The following JAZF1 variants were observed in gnomAD, a reference collection of about 807,000 sequenced individuals.
JAZF1 encodes juxtaposed with another zinc finger protein 1.
JAZF1 carries 8 observed loss-of-function variants against 26.4 expected under a neutral mutation model. That is an observed-to-expected ratio of 0.30 (90% CI 0.18 to 0.55). JAZF1 has a LOEUF of 0.55. JAZF1 is among the 20% of genes least tolerant of loss of function. The pLI is 0.94. For missense variants in JAZF1, 199 were observed against 322.0 expected, an observed-to-expected ratio of 0.62 and a Z score of 2.92; for synonymous variants, 126 against 122.3, an observed-to-expected ratio of 1.03 and a Z score of -0.20.
chr7:28,043,709 G>A (rs1783444786), intron 1 of JAZF1, among the ~76,000 whole-genome samples: 1 of 151,986 alleles, frequency 6.6e-6, no homozygotes, highest in Non-Finnish European at 1.5e-5. Context: ...ATTATCCATA[G>A]TAGCCAGAAT....
intron 1 of JAZF1, among the ~76,000 whole-genome samples, chr7:28,158,543 C>T (rs1783229218): frequency 6.6e-6 from 1 of 152,168 alleles, no homozygotes; most frequent in South Asian, 2.1e-4. Context: ...CAATGCAATT[C>T]CAATTCCCAT....
At chr7:27,954,742 C>G (rs1433164040) in intron 2 of JAZF1, among the ~76,000 whole-genome samples, 1 of 149,442 alleles carries the variant, frequency 6.7e-6, no homozygotes, top group Non-Finnish European at 1.5e-5. Flanking sequence ...ATTTGATTTT[C>G]CAGACTGCGA....
chr7:27,982,056 G>C (rs142144015), intron 2 of JAZF1, among the ~76,000 whole-genome samples: 1,760 of 152,346 alleles, frequency 0.012, 37 homozygotes, highest in African/African-American at 0.04. Context: ...GAGCGATGCA[G>C]AACATGGGTG....
intron 1 of JAZF1, among the ~76,000 whole-genome samples, chr7:28,005,658 G>T (rs1270257091): frequency 6.6e-6 from 1 of 152,152 alleles, no homozygotes; most frequent in South Asian, 2.1e-4. Context: ...GCTAGCTGGG[G>T]ATTTATCGTT....
In JAZF1 at chr7:27,910,198, T is replaced by C. The variant is rs370483898; in HGVS notation, c.189-14782A>G. Among the ~76,000 whole-genome samples, 3 of 152,294 alleles carry C rather than the reference T, an allele frequency of 2.0e-5. No individual in the cohort carries two copies. The East Asian group carries it at 5.8e-4, about 29-fold the overall frequency. ...AGTATAGTGAGATTTTGGTGGTTTT[T>C]AAGTTAGAGGGAAAAAAGAATGACA... On this transcript the variant is annotated intron_variant, in intron 2 of 4. Transcript: ENST00000283928.
chr7:27,979,366 A>AT lies in JAZF1; in HGVS notation c.188+12542dup, dbSNP rs55737757. Among the ~76,000 whole-genome samples the AT allele has an allele frequency of 1.3e-3, 74 of 58,428 alleles. 5 individuals carry two copies. The highest frequency in any genetic ancestry group is 2.8e-3 in the South Asian group (4 of 1,436). The allele number at this position is 58,428 out of a possible 152,430, so 38.3% of individuals were successfully genotyped here. On this transcript the variant is annotated intron_variant, in intron 2 of 4. Coordinates refer to ENST00000283928, the MANE Select transcript of JAZF1 (RefSeq NM_175061.4). Reference sequence around the variant, plus strand: ...TAACAGGCGTGGCCAGGTACACTACATTTTTTTTTTTTTTTTTTTTTTTTT... The same window carrying AT: ...TAACAGGCGTGGCCAGGTACACTACATTTTTTTTTTTTTTTTTTTTTTTTTT...
At chr7:28,021,704 C>T (rs1783010625) in intron 1 of JAZF1, among the ~76,000 whole-genome samples, 1 of 152,200 alleles carries the variant, frequency 6.6e-6, no homozygotes, top group South Asian at 2.1e-4. Flanking sequence ...TCTCTGCTCT[C>T]CCAATGTGTC....
chr7:27,947,950 TTC>T (rs1350103494), intron 2 of JAZF1, among the ~76,000 whole-genome samples: 1 of 152,144 alleles, frequency 6.6e-6, no homozygotes, highest in Non-Finnish European at 1.5e-5. Flanking sequence ...GCTTTCCTAC[TTC>T]TCTTTTCTTA....
At chr7:28,134,767 T>C (rs1782853595) in intron 1 of JAZF1, among the ~76,000 whole-genome samples, 1 of 152,206 alleles carries the variant, frequency 6.6e-6, no homozygotes, top group Non-Finnish European at 1.5e-5. Flanking sequence ...GAAAAATATG[T>C]GTATATAGGT....
chr7:28,163,749 G>A (rs1783325635), intron 1 of JAZF1, among the ~76,000 whole-genome samples: 1 of 152,144 alleles, frequency 6.6e-6, no homozygotes, highest in South Asian at 2.1e-4. Context: ...CAAGCCCTCT[G>A]GGATGTCGTA....
At chr7:28,155,538 A>G (rs1415694245) in intron 1 of JAZF1, among the ~76,000 whole-genome samples, 1 of 152,212 alleles carries the variant, frequency 6.6e-6, no homozygotes, top group Non-Finnish European at 1.5e-5. Context: ...TCAGAGGGGA[A>G]ATGAGTAATT....
At chr7:28,150,869 T>C (rs1053014418) in intron 1 of JAZF1, among the ~76,000 whole-genome samples, 3 of 152,214 alleles carry the variant, frequency 2.0e-5, no homozygotes, top group East Asian at 3.8e-4. Flanking sequence ...GCATGTGAAG[T>C]ATAGTCATCA....
intron 1 of JAZF1, among the ~76,000 whole-genome samples, chr7:28,049,072 CCT>C (rs1182638919): frequency 6.2e-4 from 70 of 113,366 alleles, no homozygotes; most frequent in Middle Eastern, 5.0e-3. Flanking sequence ...TCCCTCCCTT[CCT>C]CTCTCTCTCT....
chr7:28,036,280 C>T (rs1040293262), intron 1 of JAZF1, among the ~76,000 whole-genome samples: 12 of 152,198 alleles, frequency 7.9e-5, no homozygotes, highest in African/African-American at 2.4e-4. Context: ...AGGTTAGAGT[C>T]AGTCTGATAA....
At position 27,922,174 on chromosome 7, in the gene JAZF1, C is replaced by T. The variant is rs371299950; in HGVS notation, c.189-26758G>A. ...AATGAGGAAGTGCATTGAAGACAAACAGAACAAATAAATAAGGTCTGATTT... is the reference window on the plus strand; with the variant it reads ...AATGAGGAAGTGCATTGAAGACAAATAGAACAAATAAATAAGGTCTGATTT... On this transcript the variant is annotated intron_variant, in intron 2 of 4. Transcript: ENST00000283928. Among the ~76,000 whole-genome samples, 8 of 152,274 alleles carry T rather than the reference C, an allele frequency of 5.3e-5. No individual in the cohort carries two copies. In the East Asian group the frequency reaches 1.3e-3, roughly 26 times the overall value.
At chr7:28,137,155 C>T (rs766243477) in intron 1 of JAZF1, among the ~76,000 whole-genome samples, 3 of 152,180 alleles carry the variant, frequency 2.0e-5, no homozygotes, top group Non-Finnish European at 4.4e-5. Context: ...CTCAGAACCT[C>T]TCACTCCAAA....
At chr7:27,851,090 C>T (rs1189896891) in intron 3 of JAZF1, among the ~76,000 whole-genome samples, 3 of 151,970 alleles carry the variant, frequency 2.0e-5, no homozygotes, top group Admixed American at 6.6e-5. Context: ...TTACAGGCAC[C>T]GGCCACCACG....
At chr7:27,986,560 T>C (rs1785710130) in intron 2 of JAZF1, among the ~76,000 whole-genome samples, 1 of 152,180 alleles carries the variant, frequency 6.6e-6, no homozygotes, top group Non-Finnish European at 1.5e-5. Context: ...ATAGATTCAA[T>C]GCCATCCTCA....
intron 1 of JAZF1, among the ~76,000 whole-genome samples, chr7:28,170,335 ATATGTGTGTGTGTG>A (rs1291647630): frequency 0.027 from 3,715 of 140,046 alleles, 112 homozygotes; most frequent in African/African-American, 0.078. Context: ...AGAGAAGTTG[ATATGTGTGTGTGTG>A]TGTGTGTGTG....
Sources: allele counts gnomAD v4.1 joint callset (sites outside exome capture counted in the v4.1 genomes callset), GRCh38; gene constraint gnomAD v4.1.1; transcripts MANE v1.5; gene names NCBI Gene and HGNC (gene_info 2026-07-23, HGNC 2026-07-21).